The following PPM1H variants were observed in gnomAD, a reference collection of about 807,000 sequenced individuals.
PPM1H encodes protein phosphatase 1H.
Under a neutral mutation model 54.9 loss-of-function variants are expected in PPM1H, and 27 were observed. The ratio of observed to expected loss-of-function variants is 0.49; its 90% confidence interval spans 0.36 to 0.68. The LOEUF (loss-of-function observed/expected upper bound fraction) is 0.68. PPM1H is among the 30% of genes least tolerant of loss of function. The probability of loss-of-function intolerance (pLI) is 0.00; values close to 1 mark genes in which losing one functional copy is unlikely to be tolerated. For missense variants in PPM1H, 596 were observed against 667.8 expected (o/e 0.89, Z 1.19); for synonymous variants, 305 against 270.8 (o/e 1.13, Z -1.24).
At chr12:62,740,718 C>T (rs577178349) in intron 4 of PPM1H, among the ~76,000 whole-genome samples, 1 of 152,326 alleles carries the variant, frequency 6.6e-6, no homozygotes, top group South Asian at 2.1e-4. Flanking sequence ...CCATTGTAGG[C>T]AGGGCTATGT....
At chr12:62,925,917 A>T (rs1871958014) in intron 1 of PPM1H, among the ~76,000 whole-genome samples, 1 of 152,226 alleles carries the variant, frequency 6.6e-6, no homozygotes, top group Non-Finnish European at 1.5e-5. Flanking sequence ...TATGTGCCTG[A>T]AACAAATAAG....
intron 4 of PPM1H, among the ~76,000 whole-genome samples, chr12:62,760,131 G>A (rs942678528): frequency 2.0e-5 from 3 of 152,114 alleles, no homozygotes; most frequent in Admixed American, 6.5e-5. Flanking sequence ...GTACAAACTC[G>A]ACAATGGTTC....
At chr12:62,741,388 G>C (rs1162199727) in intron 4 of PPM1H, among the ~76,000 whole-genome samples, 1 of 152,180 alleles carries the variant, frequency 6.6e-6, no homozygotes, top group African/African-American at 2.4e-5. Context: ...GTGCTTCATA[G>C]GGTCACAAAG....
chr12:62,672,627 G>A (rs1256449122), intron 8 of PPM1H, among the ~76,000 whole-genome samples: 2 of 152,168 alleles, frequency 1.3e-5, no homozygotes, highest in Admixed American at 6.5e-5. Flanking sequence ...TGTAACAGAC[G>A]ATCAACTCCT....
At chr12:62,797,812 C>T (rs2663953) in intron 3 of PPM1H, among the ~76,000 whole-genome samples, 31,492 of 152,076 alleles carry the variant, frequency 0.21, 4,273 homozygotes, top group African/African-American at 0.39. Context: ...AGTGTAGTTT[C>T]TCTGAAATCT....
At chr12:62,840,493 T>C (rs1565805928) in intron 1 of PPM1H, among the ~76,000 whole-genome samples, 1 of 152,134 alleles carries the variant, frequency 6.6e-6, no homozygotes, top group African/African-American at 2.4e-5. Flanking sequence ...TCAAGGCCTA[T>C]GTCGCAAGGG....
At chr12:62,832,855 G>T (rs2120861678) in intron 1 of PPM1H, among the ~76,000 whole-genome samples, 1 of 152,056 alleles carries the variant, frequency 6.6e-6, no homozygotes, top group Admixed American at 6.5e-5. Context: ...TTTAACTCTT[G>T]GTCTTTTTTC....
At chr12:62,891,031 C>T (rs183293836) in intron 1 of PPM1H, among the ~76,000 whole-genome samples, 3 of 150,248 alleles carry the variant, frequency 2.0e-5, no homozygotes, top group Admixed American at 2.0e-4. Context: ...ATCGCTTGAT[C>T]CCAGGAGGTG....
At chr12:62,717,210 T>G (rs1400522726) in intron 6 of PPM1H, among the ~76,000 whole-genome samples, 1 of 152,338 alleles carries the variant, frequency 6.6e-6, no homozygotes, top group East Asian at 1.9e-4. Flanking sequence ...TAAGTCCTAT[T>G]TTCAAATCAA....
chr12:62,760,455 C>CA (rs1443919919), intron 4 of PPM1H, among the ~76,000 whole-genome samples: 1 of 152,156 alleles, frequency 6.6e-6, no homozygotes, highest in Non-Finnish European at 1.5e-5. Context: ...AATCAGGCTC[C>CA]AACTCTTCTT....
chr12:62,932,439 T>A (rs894293565), intron 1 of PPM1H, among the ~76,000 whole-genome samples: 3 of 151,988 alleles, frequency 2.0e-5, no homozygotes, highest in African/African-American at 7.3e-5. Context: ...AGTATCTTCT[T>A]TCCTACCTCT....
intron 1 of PPM1H, among the ~76,000 whole-genome samples, chr12:62,912,299 CTTTTCT>C (rs1361530387): frequency 1.3e-5 from 2 of 152,192 alleles, no homozygotes; most frequent in African/African-American, 4.8e-5. Flanking sequence ...ATTAACTTTA[CTTTTCT>C]AAGTACTGAT....
Position 62,867,564 on chromosome 12 carries a change from ATTTTTTTTTTTTTTTT to A in PPM1H, c.246-35301_246-35286del, listed in dbSNP as rs34772338. On this transcript the variant is annotated intron_variant, in intron 1 of 9. Transcript: ENST00000228705. The stretch of plus-strand genomic sequence containing the variant: ...TCCTGAAATACATCTTATGAGCACT[ATTTTTTTTTTTTTTTT>A]TTTTTTTTTTTTTTTGAGACAGAGT... Among the ~76,000 whole-genome samples the A allele has an allele frequency of 3.8e-4, 21 of 55,372 alleles. 1 individual carries two copies. Among genetic ancestry groups the A allele is most frequent in the African/African-American group, 1.3e-3 (20 of 15,612 alleles). The allele number at this position is 55,372 out of a possible 152,430, so 36.3% of individuals were successfully genotyped here. A position where few individuals can be genotyped will look rare whatever the true frequency, so the allele number is the denominator to read the frequency against.
chr12:62,730,647 A>C (rs980637503), intron 5 of PPM1H, among the ~76,000 whole-genome samples: 1 of 152,044 alleles, frequency 6.6e-6, no homozygotes, highest in Non-Finnish European at 1.5e-5. Context: ...CGTGTACAAT[A>C]CAAAACTTTT....
intron 6 of PPM1H, among the ~76,000 whole-genome samples, chr12:62,695,641 A>G (rs2076110757): frequency 1.3e-5 from 2 of 152,000 alleles, no homozygotes; most frequent in African/African-American, 4.8e-5. Flanking sequence ...TGGGGGGGGA[A>G]CAAATAAAGC....
At chr12:62,703,604 G>A (rs1277888642) in intron 6 of PPM1H, among the ~76,000 whole-genome samples, 2 of 151,978 alleles carry the variant, frequency 1.3e-5, no homozygotes, top group African/African-American at 4.8e-5. Context: ...TAAATCTCAG[G>A]AGGCCTGGGA....
chr12:62,653,828 G>A (rs980339647), intron 9 of PPM1H, among the ~76,000 whole-genome samples: 1 of 152,120 alleles, frequency 6.6e-6, no homozygotes. Flanking sequence ...ACATGATCAG[G>A]GCAGGGGAGG....
intron 4 of PPM1H, among the ~76,000 whole-genome samples, chr12:62,743,805 A>T (rs894421204): frequency 1.3e-5 from 2 of 152,152 alleles, no homozygotes; most frequent in Admixed American, 6.5e-5. Context: ...GCTCAATCTC[A>T]CTAGTCCATG....
chr12:62,667,197 C>T lies in PPM1H; in HGVS notation c.1378G>A (p.Asp460Asn), dbSNP rs560164255. Residue 460 changes from aspartate to asparagine, a missense_variant, in exon 9 of 10, where the codon GAT becomes AAT. Physicochemically the swap from Asp to Asn is conservative, Grantham distance 23 (BLOSUM62 1). This residue lies in a region of PPM1H where 208 missense variants were observed against 259.5 expected (regional missense o/e 0.80). Coordinates refer to ENST00000228705, the MANE Select transcript of PPM1H (RefSeq NM_020700.2). Reference protein sequence around the residue: ...EAITQFLPNCDPDDPHRYTLA... With the variant: ...EAITQFLPNCNPDDPHRYTLA... ...ACAAACCTGTGAGGATCATCTGGAT[C>T]ACAGTTAGGAAGAAACTGAGTGATT... The T allele has an allele frequency of 8.3e-5, 133 of 1,600,192 alleles. 1 individual carries two copies. The South Asian group carries it at 8.5e-4, about 10-fold the overall frequency.
Sources: allele counts gnomAD v4.1 joint callset (sites outside exome capture counted in the v4.1 genomes callset), GRCh38; gene constraint gnomAD v4.1.1; regional missense constraint gnomAD v4.1.1; transcripts MANE v1.5; gene names NCBI Gene and HGNC (gene_info 2026-07-23, HGNC 2026-07-21).